Variants in MYO18B observed in about 807,000 individuals in gnomAD.
The protein encoded by MYO18B is myosin XVIIIB, also known as unconventional myosin-XVIIIb.
In MYO18B, 204 loss-of-function variants were observed where a neutral mutation model predicts 273.0. That is an observed-to-expected ratio of 0.75 (90% CI 0.67 to 0.84). The LOEUF (loss-of-function observed/expected upper bound fraction) is 0.84. Among genes scored for constraint, MYO18B ranks in the 40% least tolerant of loss-of-function variants. The probability of loss-of-function intolerance (pLI) is 0.00; values close to 1 mark genes in which losing one functional copy is unlikely to be tolerated. For synonymous variants in MYO18B, 1,330 were observed against 1,305.7 expected (o/e 1.02, Z -0.40); for missense variants, 3,212 against 3,287.6 (o/e 0.98, Z 0.56).
chr22:25,782,778 C>T (rs1294553841), intron 10 of MYO18B, among the ~76,000 whole-genome samples: 1 of 152,192 alleles, frequency 6.6e-6, no homozygotes, highest in Non-Finnish European at 1.5e-5. Flanking sequence ...CTGTAACCTG[C>T]AGAGAGAAGG....
intron 34 of MYO18B, among the ~76,000 whole-genome samples, chr22:25,937,627 C>T (rs1569211329): frequency 2.0e-5 from 3 of 150,622 alleles, no homozygotes; most frequent in Admixed American, 6.6e-5. Context: ...CTCTTGTTGC[C>T]CAGGCTGGAG....
intron 1 of MYO18B, chr22:25,756,541 G>A (rs570825527): frequency 2.0e-5 from 3 of 152,338 alleles, no homozygotes; most frequent in Admixed American, 2.0e-4. Context: ...CATGGCTGCC[G>A]TTAAGTTATG....
chr22:25,855,599 T>C (rs2090548588), intron 21 of MYO18B, among the ~76,000 whole-genome samples: 1 of 152,212 alleles, frequency 6.6e-6, no homozygotes, highest in South Asian at 2.1e-4. Context: ...TTTTTGTGAC[T>C]GCATAGTATT....
chr22:25,908,738 C>T (rs2092098310), intron 32 of MYO18B, among the ~76,000 whole-genome samples: 1 of 152,164 alleles, frequency 6.6e-6, no homozygotes, highest in Admixed American at 6.5e-5. Flanking sequence ...ATAATAGAAC[C>T]AATTCTTTCT....
At chr22:26,019,650 A>G (rs2146982030) in intron 42 of MYO18B, among the ~76,000 whole-genome samples, 1 of 152,330 alleles carries the variant, frequency 6.6e-6, no homozygotes, top group South Asian at 2.1e-4. Context: ...TTCAAAGAGC[A>G]TCTGGTTTCC....
rs1456216636 is a variant in MYO18B at position 25,791,969 on chromosome 22, C to A, written c.2377-5984C>A. Among the ~76,000 whole-genome samples the A allele has an allele frequency of 2.6e-5, 4 of 152,212 alleles. No individual in the cohort carries two copies. In the East Asian group the frequency reaches 7.7e-4, roughly 29 times the overall value. Reference sequence around the variant, plus strand: ...GGGACTGGGATCCAGGTTGGCCTGACTTTAAATTTGGTACTTTCGTTCTTC... The same window carrying A: ...GGGACTGGGATCCAGGTTGGCCTGAATTTAAATTTGGTACTTTCGTTCTTC... On this transcript the variant is annotated intron_variant, in intron 11 of 43. Coordinates refer to ENST00000335473, the MANE Select transcript of MYO18B (RefSeq NM_032608.7).
chr22:25,955,698 C>A (rs191961599), intron 39 of MYO18B, among the ~76,000 whole-genome samples: 43 of 152,312 alleles, frequency 2.8e-4, no homozygotes, highest in African/African-American at 1.0e-3. Context: ...GAGGAAAAAA[C>A]CGGTATTTAT....
intron 27 of MYO18B, among the ~76,000 whole-genome samples, chr22:25,893,281 G>A (rs923140555): frequency 5.3e-5 from 8 of 152,208 alleles, no homozygotes; most frequent in East Asian, 3.8e-4. Context: ...TGCACTCAGC[G>A]TGGAGCTGGA....
At chr22:25,977,688 C>A (rs1406751745) in intron 39 of MYO18B, among the ~76,000 whole-genome samples, 1 of 152,078 alleles carries the variant, frequency 6.6e-6, no homozygotes, top group Non-Finnish European at 1.5e-5. Flanking sequence ...ACAGAGGAGA[C>A]CCCCCAGGTT....
chr22:25,768,730 G>A lies in MYO18B; in HGVS notation c.814G>A (p.Gly272Arg). Residue 272 changes from glycine (G) to arginine (R), a missense_variant, in exon 4 of 44, where the codon GGG (glycine) becomes AGG (arginine). By Grantham distance (125) the Gly-to-Arg change is moderately radical. Transcript: ENST00000335473. ...DRQGTRPQAQ[G>R]PGEGVRPGKA... Reference sequence around the variant, plus strand: ...GCAGGGGACCAGGCCCCAAGCCCAAGGGCCCGGCGAGGGGGTGCGACCAGG... The same window carrying A: ...GCAGGGGACCAGGCCCCAAGCCCAAAGGCCCGGCGAGGGGGTGCGACCAGG... 1.3e-6 allele frequency: 2 copies of A among 1,596,376 alleles called. No individual in the cohort carries two copies. Among genetic ancestry groups the A allele is most frequent in the South Asian group, 2.3e-5 (2 of 87,728 alleles).
intron 25 of MYO18B, 111 bp from the exon 26 acceptor site, chr22:25,890,645 G>A: frequency 3.4e-6 from 5 of 1,453,180 alleles, no homozygotes; most frequent in Non-Finnish European, 4.6e-6. Flanking sequence ...ATACTCAAGG[G>A]TTGCTTTCCC....
chr22:25,865,229 T>C (rs533184689), intron 21 of MYO18B, among the ~76,000 whole-genome samples: 1 of 152,350 alleles, frequency 6.6e-6, no homozygotes, highest in South Asian at 2.1e-4. Context: ...AGTTGTATAA[T>C]TTAATACCTG....
chr22:25,907,864 G>C (rs551073348), intron 31 of MYO18B, among the ~76,000 whole-genome samples: 1 of 151,996 alleles, frequency 6.6e-6, no homozygotes, highest in Non-Finnish European at 1.5e-5. Flanking sequence ...GAGAAACTCC[G>C]TTTCTACTAA....
At chr22:26,002,159 G>T (rs1027578261) in intron 40 of MYO18B, among the ~76,000 whole-genome samples, 3 of 152,186 alleles carry the variant, frequency 2.0e-5, no homozygotes, top group African/African-American at 7.2e-5. Flanking sequence ...AAAAGGGCTA[G>T]ATAGTAAATA....
At chr22:25,914,097 T>C (rs910574330) in intron 33 of MYO18B, among the ~76,000 whole-genome samples, 2 of 152,232 alleles carry the variant, frequency 1.3e-5, no homozygotes, top group African/African-American at 4.8e-5. Context: ...GCAATTACCA[T>C]GTATGCCTGG....
intron 13 of MYO18B, among the ~76,000 whole-genome samples, chr22:25,824,710 A>G (rs538015790): frequency 6.1e-4 from 93 of 152,098 alleles, no homozygotes; most frequent in African/African-American, 1.9e-3. Context: ...TTGGCCCTCT[A>G]TGTCTCCTTT....
intron 41 of MYO18B, among the ~76,000 whole-genome samples, 184 bp from the exon 42 acceptor site, chr22:26,004,534 A>G (rs1286928991): frequency 6.6e-6 from 1 of 152,206 alleles, no homozygotes; most frequent in Non-Finnish European, 1.5e-5. Flanking sequence ...TGGCCTCTCC[A>G]AATCTCAGTA....
intron 39 of MYO18B, among the ~76,000 whole-genome samples, chr22:25,981,365 T>C (rs2093146867): frequency 6.6e-6 from 1 of 152,220 alleles, no homozygotes; most frequent in African/African-American, 2.4e-5. Flanking sequence ...TCCCAGATGG[T>C]TCTCAGTGAT....
chr22:26,050,407 C>G, the MYO18B span, among the ~76,000 whole-genome samples: 1 of 152,188 alleles, frequency 6.6e-6, no homozygotes, highest in Non-Finnish European at 1.5e-5. Context: ...TCAGCCATGC[C>G]TCTGTACCGG....
Sources: gnomAD v4.1 joint callset for allele counts (sites outside exome capture counted in the v4.1 genomes callset) on GRCh38, gnomAD v4.1.1 for gene constraint, MANE v1.5 for transcripts, NCBI Gene and HGNC (gene_info 2026-07-23, HGNC 2026-07-21) for gene names.